The following ABCA9 variants were observed in gnomAD, a reference collection of about 807,000 sequenced individuals.
ABCA9 encodes the protein ATP binding cassette subfamily A member 9.
A neutral mutation model predicts 205.3 loss-of-function variants in ABCA9; 183 were observed. That is an observed-to-expected ratio of 0.89 (90% CI 0.79 to 1.01). The LOEUF is 1.01. ABCA9 is among the 50% of genes least tolerant of loss of function. The pLI is 0.00. For missense variants in ABCA9, 1,805 were observed against 1,912.4 expected (o/e 0.94, Z 1.05); for synonymous variants, 651 against 683.3 (o/e 0.95, Z 0.74).
At chr17:68,998,828 A>C (rs73367907) in intron 25 of ABCA9, among the ~76,000 whole-genome samples, 2,059 of 149,088 alleles carry the variant, frequency 0.014, 38 homozygotes, top group African/African-American at 0.047. Flanking sequence ...TGGATCTAAA[A>C]TTTCTTTTTT....
chr17:68,988,876 T>C (rs1319139899), intron 31 of ABCA9, 151 bp downstream of exon 31: 1 of 526,150 alleles, frequency 1.9e-6, no homozygotes, highest in East Asian at 2.9e-5. Context: ...CAAACTGTTT[T>C]TGGAATTAAG....
intron 25 of ABCA9, among the ~76,000 whole-genome samples, chr17:68,997,785 C>T (rs142203449): frequency 3.0e-4 from 45 of 152,184 alleles, no homozygotes; most frequent in African/African-American, 1.0e-3. Flanking sequence ...ATTGATGAGC[C>T]TTATTGACAC....
intron 3 of ABCA9, 40 bp downstream of exon 3, chr17:69,049,243 T>C (rs781750915): frequency 2.7e-6 from 4 of 1,502,860 alleles, no homozygotes; most frequent in Non-Finnish European, 3.6e-6. Flanking sequence ...TTGTGCCTTT[T>C]GCAAATAAGG....
intron 3 of ABCA9, among the ~76,000 whole-genome samples, chr17:69,048,629 C>T (rs1200467866): frequency 1.3e-5 from 2 of 152,136 alleles, no homozygotes; most frequent in Non-Finnish European, 2.9e-5. Context: ...GTCTATCACA[C>T]TTTACACATT....
chr17:69,006,519 C>T (rs1485937939), intron 25 of ABCA9, among the ~76,000 whole-genome samples: 5 of 152,068 alleles, frequency 3.3e-5, no homozygotes, highest in African/African-American at 9.7e-5. Flanking sequence ...AACCTATTGT[C>T]GATTATATAC....
chr17:69,012,096 G>A lies in ABCA9; in HGVS notation c.3040-13C>T. On this transcript the variant is annotated splice_polypyrimidine_tract_variant and intron_variant, in intron 22 of 38. Transcript: ENST00000340001. ...AATCCATATGCTCCTGAAATCATGT[G>A]GAACATGGTGAGCTGATGGCGATTG... The A allele has an allele frequency of 6.4e-7, 1 of 1,573,106 alleles. No homozygotes were observed. The highest frequency in any genetic ancestry group is 2.3e-5 in the East Asian group (1 of 44,400).
At chr17:69,004,673 A>T (rs1321459918) in intron 25 of ABCA9, 1 of 165,404 alleles carries the variant, frequency 6.0e-6, no homozygotes, top group Non-Finnish European at 1.3e-5. Flanking sequence ...TTGTTTACCT[A>T]AGCAAGCCTG....
chr17:69,010,750 G>T (rs772328607), intron 23 of ABCA9, among the ~76,000 whole-genome samples: 11 of 152,018 alleles, frequency 7.2e-5, no homozygotes, highest in Admixed American at 1.3e-4. Context: ...GGAGAGAAAT[G>T]GATGGGTTTG....
upstream of ABCA9, among the ~76,000 whole-genome samples, chr17:69,062,837 T>C (rs1246454018): frequency 6.6e-6 from 1 of 152,224 alleles, no homozygotes; most frequent in African/African-American, 2.4e-5. Context: ...AAGAAGTTTT[T>C]GAATCAGTTT....
chr17:68,990,674 C>A (rs2069419534), intron 29 of ABCA9, among the ~76,000 whole-genome samples, 163 bp downstream of exon 29: 1 of 152,186 alleles, frequency 6.6e-6, no homozygotes, highest in Non-Finnish European at 1.5e-5. Flanking sequence ...TTTCTTTGCT[C>A]TCTTACATTT....
At chr17:68,983,674 C>T in intron 36 of ABCA9, 35 bp downstream of exon 36, 2 of 1,606,428 alleles carry the variant, frequency 1.2e-6, no homozygotes, top group Non-Finnish European at 8.5e-7. Flanking sequence ...AAACAAAAAC[C>T]AAGGACTGTG....
At chr17:69,017,961 T>TA in intron 20 of ABCA9, 172 bp from the exon 21 acceptor site, 2 of 598,114 alleles carry the variant, frequency 3.3e-6, no homozygotes, top group Non-Finnish European at 5.6e-6. Flanking sequence ...ACATCATAGG[T>TA]ATGACAAGGT....
chr17:68,990,963 A>G lies in ABCA9; in HGVS notation c.3717-6T>C. 1.9e-6 allele frequency: 3 copies of G among 1,605,586 alleles called. No individual in the cohort carries two copies. The highest frequency in any genetic ancestry group is 2.5e-6 in the Non-Finnish European group (3 of 1,178,048). ...CGTTGCTTCTTGGAGAAATTCTGAA[A>G]TCAAAACAGTGTGATAATGATAAAC... is the stretch of plus-strand genomic sequence containing the variant. On this transcript the variant is annotated splice_region_variant and splice_polypyrimidine_tract_variant and intron_variant, in intron 28 of 38. Transcript: ENST00000340001.
chr17:69,020,015 A>G, intron 19 of ABCA9: 1 of 181,520 alleles, frequency 5.5e-6, no homozygotes, highest in South Asian at 1.2e-4. Flanking sequence ...TTATATATGT[A>G]TATCCTATTG....
chr17:68,989,241 T>TCC, intron 30 of ABCA9, 123 bp from the exon 31 acceptor site: 6 of 360,584 alleles, frequency 1.7e-5, no homozygotes, highest in Middle Eastern at 7.8e-4. Context: ...TTTCCCTTAT[T>TCC]CCTCTCTCTC....
intron 37 of ABCA9, among the ~76,000 whole-genome samples, chr17:68,981,321 G>A (rs569546520): frequency 1.3e-5 from 2 of 151,566 alleles, no homozygotes; most frequent in South Asian, 2.1e-4. Flanking sequence ...TTAAGTATGT[G>A]ATGTGAAAAA....
intron 10 of ABCA9, 112 bp downstream of exon 10, chr17:69,031,996 G>C: frequency 3.2e-6 from 3 of 932,192 alleles, no homozygotes; most frequent in Non-Finnish European, 4.9e-6. Context: ...CAGGCTGGCT[G>C]TAGGTGGGTA....
At chr17:69,024,422 A>G in intron 16 of ABCA9, 69 bp from the exon 17 acceptor site, 1 of 1,383,796 alleles carries the variant, frequency 7.2e-7, no homozygotes, top group Non-Finnish European at 9.7e-7. Flanking sequence ...CTAATTATGT[A>G]GTATGTGCTT....
chr17:69,078,927 A>G, the ABCA9 span: 1 of 1,135,760 alleles, frequency 8.8e-7, no homozygotes, highest in Non-Finnish European at 1.3e-6. Context: ...ATTACATAAA[A>G]CATGAGTTTA....
Sources: allele counts gnomAD v4.1 joint callset (sites outside exome capture counted in the v4.1 genomes callset), GRCh38; gene constraint gnomAD v4.1.1; transcripts MANE v1.5; gene names NCBI Gene and HGNC (gene_info 2026-07-23, HGNC 2026-07-21).